HSPG2: variants seen among roughly 807,000 people sequenced by gnomAD.
HSPG2 encodes the protein basement membrane-specific heparan sulfate proteoglycan core protein.
In HSPG2, 278 loss-of-function variants were observed where a neutral mutation model predicts 526.6. The ratio of observed to expected loss-of-function variants is 0.53; its 90% CI spans 0.48 to 0.58. The LOEUF (loss-of-function observed/expected upper bound fraction) is 0.58. Ranked by LOEUF, HSPG2 falls within the 20% of genes least tolerant of loss-of-function variation. HSPG2 has a pLI of 0.00. For missense variants in HSPG2, 5,354 were observed against 6,099.5 expected (o/e 0.88, Z 4.07); for synonymous variants, 2,465 against 2,555.4 (o/e 0.96, Z 1.07).
intron 1 of HSPG2, among the ~76,000 whole-genome samples, chr1:21,909,528 G>A (rs1643552826): frequency 6.6e-6 from 1 of 152,252 alleles, no homozygotes; most frequent in Admixed American, 6.5e-5. Flanking sequence ...CTGATACTGA[G>A]AGCAGGGAAT....
rs1311818372 is a variant in HSPG2 at position 21,855,658 on chromosome 1, G to A, written c.5719C>T (p.Leu1907Phe). ...CCGTGGATTTGTGCCTTCGCAGGGA[G>A]CTGGCCGCCGGGGCCCCCTGACGAG... Reference protein sequence around the residue: ...LEWTGGPGGQLPAKAQIHGGI... With the variant: ...LEWTGGPGGQFPAKAQIHGGI... The change falls in exon 46 of 97, where the codon CTC (leucine) becomes TTC (phenylalanine). Residue 1907 changes from leucine to phenylalanine, a missense_variant. Leu to Phe is a conservative substitution (Grantham distance 22). Coordinates refer to ENST00000374695, the MANE Select transcript of HSPG2 (RefSeq NM_005529.7). The A allele has an allele frequency of 6.4e-7, 1 of 1,574,408 alleles. No individual in the cohort carries two copies. The highest frequency in any genetic ancestry group is 8.6e-7 in the Non-Finnish European group (1 of 1,162,992).
In HSPG2 at chr1:21,832,079, C is replaced by T. The variant is rs2098006717; in HGVS notation, c.11208-283G>A. ...AGCCTAGCACCTGGCCTCCTTGTTC[C>T]TCTGAGGACTCCTCTCTCCCTGTGA... On this transcript the variant is annotated intron_variant, in intron 81 of 96. Transcript: ENST00000374695. Among the ~76,000 whole-genome samples the T allele has an allele frequency of 2.0e-5, 3 of 152,194 alleles. No individual in the cohort carries two copies. In the South Asian group the frequency reaches 6.2e-4, roughly 31 times the overall value.
At chr1:21,843,930 C>T (rs1283633643) in intron 65 of HSPG2, among the ~76,000 whole-genome samples, 1 of 152,226 alleles carries the variant, frequency 6.6e-6, no homozygotes, top group Non-Finnish European at 1.5e-5. Context: ...GCCACTGCGC[C>T]CAGCCAGAGA....
Position 21,846,503 on chromosome 1 carries a change from G to C in HSPG2, c.8261C>G (p.Ala2754Gly). ...CTTGTGCCAAGTGACCTGGGCATGGGCCTGCCCGGGGACCACGCAGTTCAG... is the reference window on the plus strand; with the variant it reads ...CTTGTGCCAAGTGACCTGGGCATGGCCCTGCCCGGGGACCACGCAGTTCAG... ...LDLNCVVPGQ[A>G]HAQVTWHKRG... The change falls in exon 63 of 97, where the codon GCC (alanine) becomes GGC (glycine). Residue 2754 changes from alanine (A) to glycine (G), a missense_variant. Ala to Gly is a moderately conservative substitution (Grantham distance 60, BLOSUM62 0). Transcript: ENST00000374695. The C allele has an allele frequency of 6.2e-7, 1 of 1,613,726 alleles. No individual in the cohort carries two copies. Among genetic ancestry groups the C allele is most frequent in the Non-Finnish European group, 8.5e-7 (1 of 1,180,024 alleles).
intron 13 of HSPG2, among the ~76,000 whole-genome samples, chr1:21,881,771 C>T (rs145936025): frequency 1.6e-3 from 236 of 151,638 alleles, no homozygotes; most frequent in Non-Finnish European, 3.0e-3. Context: ...GGTGAAACCT[C>T]GTCTCTACTA....
At chr1:21,829,952 G>T in intron 86 of HSPG2, 41 bp downstream of exon 86, 2 of 1,512,556 alleles carry the variant, frequency 1.3e-6, no homozygotes, top group Non-Finnish European at 1.8e-6. Flanking sequence ...CTCCCCAGCT[G>T]ACACTAGGAC....
rs1488808209 is a variant in HSPG2 at position 21,833,237 on chromosome 1, G to T, written c.11095+31C>A. The T allele has an allele frequency of 1.9e-6, 3 of 1,582,140 alleles. No homozygotes were observed. In the Admixed American group the frequency reaches 5.0e-5, roughly 26 times the overall value. ...CCACGAGGTCCCTCAACCCAGGCCAGCCCACCCCGCAAATTAACCCTCCTG... is the reference window on the plus strand; with the variant it reads ...CCACGAGGTCCCTCAACCCAGGCCATCCCACCCCGCAAATTAACCCTCCTG... On this transcript the variant is annotated intron_variant, in intron 80 of 96. Transcript: ENST00000374695.
At chr1:21,846,339 C>T in intron 63 of HSPG2, 84 bp from the exon 64 acceptor site, 1 of 1,609,352 alleles carries the variant, frequency 6.2e-7, no homozygotes, top group Non-Finnish European at 8.5e-7. Flanking sequence ...TAACCTCTGA[C>T]ACAGGGGGGT....
chr1:21,878,313 A>C (rs570069813), intron 20 of HSPG2, 60 bp from the exon 21 acceptor site: 2 of 1,591,190 alleles, frequency 1.3e-6, no homozygotes, highest in East Asian at 4.5e-5. Context: ...TGGTCCGGGC[A>C]GATAGAGGAA....
intron 55 of HSPG2, 173 bp downstream of exon 55, chr1:21,851,373 C>T: frequency 1.2e-6 from 1 of 852,116 alleles, no homozygotes; most frequent in Non-Finnish European, 1.8e-6. Context: ...AGCCAGAATT[C>T]ACACCCAGGT....
chr1:21,927,492 AG>A (rs892155118), intron 1 of HSPG2, among the ~76,000 whole-genome samples: 7 of 149,406 alleles, frequency 4.7e-5, no homozygotes, highest in African/African-American at 7.4e-5. Context: ...AGTGTAGGCC[AG>A]GGGGGGACAG....
rs1329078408 is a variant in HSPG2, at chr1:21,823,236, CATA to C, written c.*77_*79del. ...ATCGCCTCGGTTTCTTACAAAAATTCATAATAATATTAATAATAATATACTCGA... is the reference window on the plus strand; with the variant it reads ...ATCGCCTCGGTTTCTTACAAAAATTCATAATATTAATAATAATATACTCGA... On this transcript the variant is annotated 3_prime_UTR_variant, in exon 97 of 97. Transcript: ENST00000374695. The C allele has an allele frequency of 6.3e-6, 8 of 1,278,778 alleles. No individual in the cohort carries two copies. The highest frequency in any genetic ancestry group is 5.4e-5 in the East Asian group (2 of 37,262). The allele number at this position is 1,278,778 out of a possible 1,614,324, so 79.2% of individuals were successfully genotyped here. A position where few individuals can be genotyped will look rare whatever the true frequency, so the allele number is the denominator to read the frequency against.
chr1:21,909,326 G>A (rs535096785), intron 1 of HSPG2, among the ~76,000 whole-genome samples: 9 of 152,312 alleles, frequency 5.9e-5, no homozygotes, highest in African/African-American at 2.2e-4. Context: ...AGGCAGGGCA[G>A]GCAGATGGAG....
intron 44 of HSPG2, among the ~76,000 whole-genome samples, chr1:21,856,191 C>G (rs1291945116): frequency 6.6e-6 from 1 of 152,212 alleles, no homozygotes; most frequent in East Asian, 1.9e-4. Flanking sequence ...CCCGTCCTCC[C>G]TCCCACAGCC....
At chr1:21,870,338 G>A (rs1395883557) in intron 33 of HSPG2, 2 of 975,950 alleles carry the variant, frequency 2.0e-6, no homozygotes, top group African/African-American at 3.5e-5. Flanking sequence ...GGGAGCAGGC[G>A]AGCTAAGACC....
chr1:21,933,999 C>T (rs532315310), intron 1 of HSPG2, among the ~76,000 whole-genome samples: 29 of 152,256 alleles, frequency 1.9e-4, no homozygotes, highest in Non-Finnish European at 3.7e-4. Context: ...ACCTTAATCA[C>T]CACCGAGGCT....
At chr1:21,853,869 A>G (rs1237839145) in intron 50 of HSPG2, 1 of 393,486 alleles carries the variant, frequency 2.5e-6, no homozygotes, top group Non-Finnish European at 4.8e-6. Context: ...TGAGGCCCCA[A>G]AAGTTAAAAG....
chr1:21,913,124 C>T (rs1643757908), intron 1 of HSPG2, among the ~76,000 whole-genome samples: 1 of 152,154 alleles, frequency 6.6e-6, no homozygotes, highest in African/African-American at 2.4e-5. Flanking sequence ...AACAAAGGGT[C>T]ATTTACCTTT....
intron 39 of HSPG2, among the ~76,000 whole-genome samples, chr1:21,860,561 G>A (rs552815932): frequency 2.6e-5 from 4 of 152,028 alleles, no homozygotes; most frequent in East Asian, 3.9e-4. Context: ...GTGCGATCTC[G>A]GCTCACTGCA....
Sources: gnomAD v4.1 joint callset for allele counts (sites outside exome capture counted in the v4.1 genomes callset) on GRCh38, gnomAD v4.1.1 for gene constraint, MANE v1.5 for transcripts, NCBI Gene and HGNC (gene_info 2026-07-23, HGNC 2026-07-21) for gene names.